INTS4: variants seen among roughly 807,000 people sequenced by gnomAD.
The protein encoded by INTS4 is integrator complex subunit 4.
INTS4 carries 70 observed loss-of-function variants against 119.5 expected under a neutral mutation model. That is an observed-to-expected ratio of 0.59 (90% CI 0.48 to 0.71). The LOEUF is 0.71. Among genes scored for constraint, INTS4 ranks in the 30% least tolerant of loss-of-function variants. The pLI, the probability that INTS4 is intolerant of heterozygous loss-of-function variation, is 0.00. For synonymous variants in INTS4, 316 were observed against 419.6 expected (o/e 0.75, Z 3.02); for missense variants, 867 against 1,173.2 (o/e 0.74, Z 3.81).
intron 10 of INTS4, among the ~76,000 whole-genome samples, chr11:77,932,727 T>G (rs931169003): frequency 1.3e-5 from 2 of 152,006 alleles, no homozygotes; most frequent in African/African-American, 4.8e-5. Context: ...AATGATAGAC[T>G]GGATAAAGAA....
intron 10 of INTS4, among the ~76,000 whole-genome samples, chr11:77,934,392 A>G (rs1305406399): frequency 9.7e-6 from 1 of 102,764 alleles, no homozygotes; most frequent in Non-Finnish European, 2.1e-5. Context: ...ATCAATAAAT[A>G]CTAAAAAAAA....
At position 77,891,809 on chromosome 11, in the gene INTS4, C is replaced by A. The variant is rs1347729789; in HGVS notation, c.2320G>T (p.Asp774Tyr). 3 of 1,611,632 alleles carry A rather than the reference C, an allele frequency of 1.9e-6. No individual in the cohort carries two copies. The highest frequency in any genetic ancestry group is 2.7e-5 in the African/African-American group (2 of 74,826). ...YFIADLPHLQ[D>Y]SFVDKLLDLM... Reference sequence around the variant, plus strand: ...TCAAGGAGTTTGTCCACAAAGCTGTCCTGCAAGTGGGGCAAATCAGCGATG... The same window carrying A: ...TCAAGGAGTTTGTCCACAAAGCTGTACTGCAAGTGGGGCAAATCAGCGATG... The change falls in exon 20 of 23, where the codon GAC (aspartate) becomes TAC (tyrosine). Residue 774 changes from aspartate (D) to tyrosine (Y), a missense_variant. Asp to Tyr is a radical substitution (Grantham distance 160, BLOSUM62 -3). This residue lies in a region of INTS4 where 262 missense variants were observed against 376.0 expected (regional missense o/e 0.70). Transcript: ENST00000534064.
At position 77,933,782 on chromosome 11, in the gene INTS4, G is replaced by A. The variant is rs6592749; in HGVS notation, c.1165+4869C>T. On this transcript the variant is annotated intron_variant, in intron 10 of 22. Coordinates refer to ENST00000534064, the MANE Select transcript of INTS4 (RefSeq NM_033547.4). The stretch of plus-strand genomic sequence containing the variant: ...GCCGCCCGTCTGGGAAGTGAGGAGC[G>A]TCTCCGCCCGGCAGCCGCCCCGTCC... Among the ~76,000 whole-genome samples the A allele has an allele frequency of 3.6e-3, 549 of 150,582 alleles. 2 individuals carry two copies. The highest frequency in any genetic ancestry group is 0.012 in the African/African-American group (476 of 40,834).
At chr11:77,920,510 T>TA in intron 14 of INTS4, among the ~76,000 whole-genome samples, 2 of 152,066 alleles carry the variant, frequency 1.3e-5, no homozygotes, top group East Asian at 1.9e-4. Context: ...GTTTTATTTT[T>TA]AAAAAATAAG....
At chr11:77,899,630 A>G (rs548680204) in intron 18 of INTS4, among the ~76,000 whole-genome samples, 1 of 152,244 alleles carries the variant, frequency 6.6e-6, no homozygotes, top group South Asian at 2.1e-4. Flanking sequence ...AGATCGGACC[A>G]CTGCACTCCA....
intron 15 of INTS4, chr11:77,918,414 CT>C: frequency 1.1e-5 from 1 of 93,928 alleles, no homozygotes; most frequent in Admixed American, 1.3e-4. Flanking sequence ...GAGACCCTGT[CT>C]CAAAAAAAAA....
intron 15 of INTS4, among the ~76,000 whole-genome samples, chr11:77,909,272 T>C (rs1247493630): frequency 6.6e-6 from 1 of 152,240 alleles, no homozygotes; most frequent in African/African-American, 2.4e-5. Context: ...ATATCTCCAA[T>C]TTCTGGACAT....
chr11:77,891,886 A>C, intron 19 of INTS4, 46 bp from the exon 20 acceptor site: 1 of 1,609,766 alleles, frequency 6.2e-7, no homozygotes, highest in Non-Finnish European at 8.5e-7. Flanking sequence ...CTGTGCACTC[A>C]TTCACCACAG....
rs1263293244 is a variant in INTS4 at position 77,901,537 on chromosome 11, G to C, written c.2112C>G (p.Thr704=). 1.2e-6 allele frequency: 2 copies of C among 1,606,334 alleles called. No homozygotes were observed. The highest frequency in any genetic ancestry group is 2.2e-5 in the East Asian group (1 of 44,848). Residue 704 remains threonine (T), a synonymous_variant, in exon 18 of 23, where the codon ACC becomes ACG. Transcript: ENST00000534064. ...CACTGTACATGAATTCCATTTTGTA[G>C]GTCTCTTCCATAATCTATAAAGGAA... The part of the protein sequence containing the change: ...SAAAKQIMEE[T]YKMEFMYSGV...
chr11:77,883,902 G>C lies in INTS4; in HGVS notation c.2643C>G (p.Asp881Glu). ...GCCGCCCTGGGCCAGGATTCCGGAA[G>C]TCTGCAGGCTTGGGGTGAATCATCT... ...QAQMIHPKPA[D>E]FRNPGPGRHR... The change falls in exon 22 of 23, where the codon GAC (aspartate) becomes GAG (glutamate). Residue 881 changes from aspartate to glutamate, a missense_variant. By Grantham distance (45) the Asp-to-Glu change is conservative. Coordinates refer to ENST00000534064, the MANE Select transcript of INTS4 (RefSeq NM_033547.4). 1 of 1,613,282 alleles carries C rather than the reference G, an allele frequency of 6.2e-7. No homozygotes were observed. The highest frequency in any genetic ancestry group is 1.3e-5 in the African/African-American group (1 of 75,036).
At chr11:77,940,728 C>T (rs1565260209) in intron 9 of INTS4, among the ~76,000 whole-genome samples, 1 of 152,064 alleles carries the variant, frequency 6.6e-6, no homozygotes, top group Non-Finnish European at 1.5e-5. Flanking sequence ...CCTCTGGTCT[C>T]CAGGGTTCAA....
At chr11:77,881,262 G>A (rs1951781795) in intron 22 of INTS4, among the ~76,000 whole-genome samples, 1 of 152,194 alleles carries the variant, frequency 6.6e-6, no homozygotes, top group African/African-American at 2.4e-5. Flanking sequence ...ACACAGCAAA[G>A]GAAGCAGAAT....
intron 17 of INTS4, 106 bp from the exon 18 acceptor site, chr11:77,901,657 A>AT (rs1475574995): frequency 1.3e-6 from 1 of 799,576 alleles, no homozygotes; most frequent in African/African-American, 1.8e-5. Context: ...CTTAACTGAG[A>AT]TTTTACATCC....
intron 4 of INTS4, among the ~76,000 whole-genome samples, chr11:77,967,825 C>A (rs551400811): frequency 1.3e-5 from 2 of 152,226 alleles, no homozygotes; most frequent in South Asian, 4.1e-4. Context: ...GGTTGAGTGA[C>A]CTTTTCAGAT....
In INTS4 at chr11:77,958,763, A is replaced by T; in HGVS notation, c.780T>A (p.Ser260Arg). The change falls in exon 7 of 23, where the codon AGT (serine) becomes AGA (arginine). Residue 260 changes from serine (S) to arginine (R), a missense_variant. Physicochemically the swap from Ser to Arg is moderately radical, Grantham distance 110 (BLOSUM62 -1). Coordinates refer to ENST00000534064, the MANE Select transcript of INTS4 (RefSeq NM_033547.4). ...SAAVQLIWVV[S>R]QLYPESIVPI... Reference sequence around the variant, plus strand: ...ACACTGACCTTTCAGGATAGAGCTGACTGACGACCCAGATAAGCTGGACTG... The same window carrying T: ...ACACTGACCTTTCAGGATAGAGCTGTCTGACGACCCAGATAAGCTGGACTG... 1 of 1,610,024 alleles carries T rather than the reference A, an allele frequency of 6.2e-7. No homozygotes were observed. The highest frequency in any genetic ancestry group is 1.1e-5 in the South Asian group (1 of 90,852).
chr11:77,917,406 C>A (rs1202536112), intron 15 of INTS4, among the ~76,000 whole-genome samples: 3 of 149,940 alleles, frequency 2.0e-5, no homozygotes, highest in Admixed American at 6.7e-5. Flanking sequence ...CTCTGCCTCC[C>A]GAGTTCAAGC....
At chr11:77,974,184 T>TA (rs1855849968) in intron 4 of INTS4, among the ~76,000 whole-genome samples, 1 of 151,780 alleles carries the variant, frequency 6.6e-6, no homozygotes. Flanking sequence ...GTCTTTCTAA[T>TA]AATTTGTCCA....
At chr11:77,897,232 G>A (rs562209118) in intron 18 of INTS4, among the ~76,000 whole-genome samples, 3 of 151,944 alleles carry the variant, frequency 2.0e-5, no homozygotes, top group South Asian at 2.1e-4. Context: ...GGTGGCTCAC[G>A]TCTGTAATCC....
chr11:77,924,821 C>A lies in INTS4; in HGVS notation c.1443G>T (p.Gly481=). The change falls in exon 12 of 23, where the codon GGG becomes GGT. Residue 481 remains glycine, a synonymous_variant. Transcript: ENST00000534064. The part of the protein sequence containing the change: ...LCCTNVSTKE[G]IHLALVELLK... Reference sequence around the variant, plus strand: ...GCAGCTCCACCAATGCAAGATGAATCCCTTCTTTGGTTGAAACATTAGTAC... The same window carrying A: ...GCAGCTCCACCAATGCAAGATGAATACCTTCTTTGGTTGAAACATTAGTAC... 6.3e-7 allele frequency: 1 copy of A among 1,590,224 alleles called. No individual in the cohort carries two copies. Among genetic ancestry groups the A allele is most frequent in the East Asian group, 2.2e-5 (1 of 44,776 alleles).
Sources: allele counts gnomAD v4.1 joint callset (sites outside exome capture counted in the v4.1 genomes callset), GRCh38; gene constraint gnomAD v4.1.1; regional missense constraint gnomAD v4.1.1; transcripts MANE v1.5; gene names NCBI Gene and HGNC (gene_info 2026-07-23, HGNC 2026-07-21).